COL15A1: variants seen among roughly 807,000 people sequenced by gnomAD.
COL15A1 encodes the protein collagen type XV alpha 1 chain.
Under a neutral mutation model 165.9 loss-of-function variants are expected in COL15A1, and 111 were observed. That is an observed-to-expected ratio of 0.67 (90% CI 0.57 to 0.78). The LOEUF is 0.78. COL15A1 is among the 30% of genes least tolerant of loss of function. The pLI is 0.00. For missense variants in COL15A1, 1,745 were observed against 1,789.7 expected, an observed-to-expected ratio of 0.98 and a Z score of 0.45; for synonymous variants, 659 against 674.8, an observed-to-expected ratio of 0.98 and a Z score of 0.36.
chr9:99,054,801 G>GCATGGGCCTGGCATGTC, intron 32 of COL15A1, 145 bp downstream of exon 32: 1 of 892,246 alleles, frequency 1.1e-6, no homozygotes, highest in East Asian at 2.7e-5. Flanking sequence ...TGAAAACCAA[G>GCATGGGCCTGGCATGTC]CATGGGCCTG....
At chr9:99,010,815 C>T (rs369426625) in intron 9 of COL15A1, among the ~76,000 whole-genome samples, 21 of 152,134 alleles carry the variant, frequency 1.4e-4, no homozygotes, top group South Asian at 4.1e-4. Flanking sequence ...TCTAAGCAAA[C>T]GAAAACTTAG....
intron 16 of COL15A1, among the ~76,000 whole-genome samples, chr9:99,030,970 G>A (rs887737280): frequency 6.6e-6 from 1 of 152,238 alleles, no homozygotes; most frequent in African/African-American, 2.4e-5. Flanking sequence ...TGTTTCCACT[G>A]CAGGTGGAAG....
At chr9:98,972,643 G>T (rs1588496856) in intron 2 of COL15A1, among the ~76,000 whole-genome samples, 3 of 152,356 alleles carry the variant, frequency 2.0e-5, no homozygotes, top group African/African-American at 4.8e-5. Context: ...TGATGCTGTT[G>T]TTTCTTGACA....
Position 99,066,883 on chromosome 9 carries a change from T to C in COL15A1, c.3653T>C (p.Leu1218Pro). The C allele has an allele frequency of 5.0e-6, 8 of 1,611,234 alleles. No homozygotes were observed. Among genetic ancestry groups the C allele is most frequent in the Non-Finnish European group, 6.8e-6 (8 of 1,178,706 alleles). Residue 1218 changes from leucine (L) to proline (P), a missense_variant and splice_region_variant, in exon 40 of 42, where the codon CTG (leucine) becomes CCG (proline). By Grantham distance (98) the Leu-to-Pro change is moderately conservative (BLOSUM62 -3). Transcript: ENST00000375001. The stretch of plus-strand genomic sequence containing the variant: ...TCTCTTTTGTCTCACATTTTTCAGC[T>C]GCATTTGGCTGCTCTGAACATGCCA... ...ISSANYEKPA[L>P]HLAALNMPFS...
intron 16 of COL15A1, among the ~76,000 whole-genome samples, chr9:99,033,781 A>G (rs190800420): frequency 4.3e-4 from 65 of 152,248 alleles, no homozygotes; most frequent in African/African-American, 1.4e-3. Flanking sequence ...GTGGCATGCA[A>G]TTGCTGACTT....
Position 98,968,173 on chromosome 9 carries a change from C to T in COL15A1, c.101-17392C>T, listed in dbSNP as rs559294068. ...AAAACAAAGGTAATAAGAACACCCT[C>T]CTCACTGTTACTGTGAGTATTGGAT... On this transcript the variant is annotated intron_variant, in intron 2 of 41. Coordinates refer to ENST00000375001, the MANE Select transcript of COL15A1 (RefSeq NM_001855.5). Among the ~76,000 whole-genome samples the T allele has an allele frequency of 5.9e-5, 9 of 152,370 alleles. 1 individual carries two copies. In the South Asian group the frequency reaches 1.9e-3, roughly 32 times the overall value.
intron 35 of COL15A1, among the ~76,000 whole-genome samples, chr9:99,058,231 G>A (rs1825757511): frequency 6.6e-6 from 1 of 152,196 alleles, no homozygotes; most frequent in Non-Finnish European, 1.5e-5. Flanking sequence ...AAAAGTCCTG[G>A]GATGGGGAAG....
chr9:98,985,294 T>C (rs933569578), intron 2 of COL15A1, among the ~76,000 whole-genome samples: 11 of 152,184 alleles, frequency 7.2e-5, no homozygotes, highest in African/African-American at 2.7e-4. Context: ...AGAAAAATAT[T>C]TGAGTGCCTG....
rs200009128 is a variant in COL15A1, at chr9:99,025,980, G to A, written c.2043+14G>A. ...AAAGGGGAGAAGGTACGGGGAACAC[G>A]GGAGGGTCCCACCACATGGGAGCCA... On this transcript the variant is annotated intron_variant, in intron 16 of 41. Transcript: ENST00000375001. 5.1e-5 allele frequency: 82 copies of A among 1,604,244 alleles called. No homozygotes were observed. The highest frequency in any genetic ancestry group is 8.5e-5 in the Admixed American group (5 of 59,124).
At chr9:99,065,067 A>G (rs1031165853) in intron 39 of COL15A1, among the ~76,000 whole-genome samples, 1 of 152,248 alleles carries the variant, frequency 6.6e-6, no homozygotes, top group African/African-American at 2.4e-5. Flanking sequence ...AGTACAATAT[A>G]AAAATGTTGT....
rs747112212 is a variant in COL15A1, at chr9:98,944,088, C to T, written c.11+16C>T. ...TGGCACCAAGGTAAGACCCGCTTCTCTGCTTCCTCGCGTCCCGGGCCCCTC... is the reference window on the plus strand; with the variant it reads ...TGGCACCAAGGTAAGACCCGCTTCTTTGCTTCCTCGCGTCCCGGGCCCCTC... On this transcript the variant is annotated intron_variant, in intron 1 of 41. Coordinates refer to ENST00000375001, the MANE Select transcript of COL15A1 (RefSeq NM_001855.5). 1 of 1,614,164 alleles carries T rather than the reference C, an allele frequency of 6.2e-7. No homozygotes were observed. The highest frequency in any genetic ancestry group is 1.1e-5 in the South Asian group (1 of 91,082).
chr9:98,986,006 A>C lies in COL15A1; in HGVS notation c.542A>C (p.Glu181Ala). ...EEVTLLVNCE[E>A]HSRIPFQRSS... ...GTGACCCTCCTCGTGAACTGTGAGG[A>C]GCACAGCCGCATCCCCTTCCAGCGG... Residue 181 changes from glutamate to alanine, a missense_variant, in exon 3 of 42, where the codon GAG becomes GCG. By Grantham distance (107) the Glu-to-Ala change is moderately radical (BLOSUM62 -1). Transcript: ENST00000375001. The C allele has an allele frequency of 6.2e-7, 1 of 1,614,056 alleles. No homozygotes were observed. Among genetic ancestry groups the C allele is most frequent in the Admixed American group, 1.7e-5 (1 of 60,032 alleles).
At chr9:98,946,421 C>G (rs1837584846) in intron 2 of COL15A1, among the ~76,000 whole-genome samples, 1 of 152,298 alleles carries the variant, frequency 6.6e-6, no homozygotes, top group East Asian at 1.9e-4. Flanking sequence ...GCCCCACAAT[C>G]TGAATGTCAC....
Position 98,996,982 on chromosome 9 carries a change from T to C in COL15A1, c.853T>C (p.Ser285Pro). Residue 285 changes from serine to proline, a missense_variant, in exon 6 of 42, where the codon TCC (serine) becomes CCC (proline). Coordinates refer to ENST00000375001, the MANE Select transcript of COL15A1 (RefSeq NM_001855.5). The stretch of plus-strand genomic sequence containing the variant: ...CATAAACACACCTCCAACTCCATCC[T>C]CCCCCTTTGAAGACATGGAACTTTC... ...EPINTPPTPS[S>P]PFEDMELSGE... 2 of 1,613,810 alleles carry C rather than the reference T, an allele frequency of 1.2e-6. No homozygotes were observed. Among genetic ancestry groups the C allele is most frequent in the African/African-American group, 1.3e-5 (1 of 74,882 alleles).
At chr9:99,056,499 A>T (rs775995365) in intron 35 of COL15A1, 95 bp downstream of exon 35, 1 of 1,474,634 alleles carries the variant, frequency 6.8e-7, no homozygotes, top group Non-Finnish European at 8.9e-7. Context: ...GCACTGCCTA[A>T]CAGAGGGCTT....
In COL15A1 at chr9:98,943,980, T is replaced by C; in HGVS notation, c.-82T>C. On this transcript the variant is annotated 5_prime_UTR_variant, in exon 1 of 42. Transcript: ENST00000375001. ...GAAGGGCGAGCGCGGCGGCCAGCGC[T>C]CAGCGACCCTTCGTCCTCCGCTAAG... 2 of 1,583,428 alleles carry C rather than the reference T, an allele frequency of 1.3e-6. No homozygotes were observed.
intron 6 of COL15A1, 52 bp downstream of exon 6, chr9:98,997,133 A>G (rs752632785): frequency 1.2e-6 from 2 of 1,606,664 alleles, no homozygotes; most frequent in South Asian, 1.1e-5. Flanking sequence ...GGTGATTACT[A>G]TGTGTCCAGC....
At chr9:98,988,564 T>C (rs1235554051) in intron 4 of COL15A1, among the ~76,000 whole-genome samples, 1 of 152,082 alleles carries the variant, frequency 6.6e-6, no homozygotes. Flanking sequence ...TGAAAGTAGA[T>C]ATGTTAGAGA....
chr9:98,987,324 G>C lies in COL15A1; in HGVS notation c.679G>C (p.Asp227His), dbSNP rs151042085. The change falls in exon 4 of 42, where the codon GAC becomes CAC. Residue 227 changes from aspartate to histidine, a missense_variant. Transcript: ENST00000375001. The part of the protein sequence containing the change: ...GSLQQLTVHP[D>H]PRTPEELCDP... ...CCTCCAGCAGCTCACCGTGCACCCC[G>C]ACCCCAGGACTCCCGAGGAGCTGTG... is the stretch of plus-strand genomic sequence containing the variant. 6.2e-7 allele frequency: 1 copy of C among 1,613,248 alleles called. No homozygotes were observed. Among genetic ancestry groups the C allele is most frequent in the South Asian group, 1.1e-5 (1 of 90,990 alleles).
Sources: allele counts gnomAD v4.1 joint callset (sites outside exome capture counted in the v4.1 genomes callset), GRCh38; gene constraint gnomAD v4.1.1; transcripts MANE v1.5; gene names NCBI Gene and HGNC (gene_info 2026-07-23, HGNC 2026-07-21).